SUPT3H: variants seen among roughly 807,000 people sequenced by gnomAD.
The protein encoded by SUPT3H is SPT3 homolog, SAGA and STAGA complex component.
Under a neutral mutation model 44.3 loss-of-function variants are expected in SUPT3H, and 44 were observed. That is an observed-to-expected ratio of 0.99 (90% CI 0.78 to 1.28). The LOEUF (loss-of-function observed/expected upper bound fraction) is 1.28, where lower values mean the gene tolerates loss of function less well. Ranked by LOEUF, SUPT3H falls within the 50% of genes most tolerant of loss-of-function variation. SUPT3H has a pLI of 0.00. For missense variants in SUPT3H, 380 were observed against 387.1 expected (o/e 0.98, Z 0.15); for synonymous variants, 124 against 125.6 (o/e 0.99, Z 0.09).
At chr6:44,830,156 CTG>C (rs1768367660) in intron 10 of SUPT3H, among the ~76,000 whole-genome samples, 1 of 152,174 alleles carries the variant, frequency 6.6e-6, no homozygotes, top group South Asian at 2.1e-4. Context: ...TGTATTGAAT[CTG>C]TTTGTCTTTT....
intron 6 of SUPT3H, among the ~76,000 whole-genome samples, chr6:45,002,545 C>T (rs184326088): frequency 1.3e-5 from 2 of 152,144 alleles, no homozygotes. Flanking sequence ...AACCATGCCA[C>T]TAAACAACCA....
rs538250538 is a variant in SUPT3H at position 45,007,827 on chromosome 6, G to T, written c.365-4035C>A. On this transcript the variant is annotated intron_variant, in intron 5 of 10. Coordinates refer to ENST00000371459, the MANE Select transcript of SUPT3H (RefSeq NM_003599.4). Reference sequence around the variant, plus strand: ...GGAGGATTTTAATGGGATTTTAAATGATTCCCTATCTCAATCTTCCCCTCC... The same window carrying T: ...GGAGGATTTTAATGGGATTTTAAATTATTCCCTATCTCAATCTTCCCCTCC... Among the ~76,000 whole-genome samples the T allele has an allele frequency of 6.0e-5, 9 of 150,428 alleles. No individual in the cohort carries two copies. The South Asian group carries it at 1.9e-3, about 32-fold the overall frequency.
At chr6:45,274,943 GC>G (rs764107059) in intron 2 of SUPT3H, among the ~76,000 whole-genome samples, 3 of 152,086 alleles carry the variant, frequency 2.0e-5, no homozygotes, top group Non-Finnish European at 4.4e-5. Context: ...TTGAGTTGAT[GC>G]TTTGATTTTT....
intron 2 of SUPT3H, among the ~76,000 whole-genome samples, chr6:45,364,625 C>T (rs1240317594): frequency 2.6e-5 from 4 of 152,114 alleles, no homozygotes; most frequent in Non-Finnish European, 5.9e-5. Flanking sequence ...TGCAAGAAAC[C>T]AGAAATCAAG....
chr6:44,845,111 T>G lies in SUPT3H; in HGVS notation c.913-15254A>C, dbSNP rs563680586. ...AGAAAGTCCCAGTTGAATAGAAAAA[T>G]TATATGACTAGAGTTCCTTAAGACC... On this transcript the variant is annotated intron_variant, in intron 10 of 10. Transcript: ENST00000371459. 1.2e-3 allele frequency among the ~76,000 whole-genome samples: 184 copies of G among 152,248 alleles called. 1 individual carries two copies. The highest frequency in any genetic ancestry group is 3.4e-3 in the Middle Eastern group (1 of 294).
At chr6:44,858,422 G>A (rs1033258629) in intron 10 of SUPT3H, among the ~76,000 whole-genome samples, 2 of 152,084 alleles carry the variant, frequency 1.3e-5, no homozygotes, top group Admixed American at 6.6e-5. Flanking sequence ...TCCATTTTAC[G>A]GATGAAGAAG....
chr6:44,930,337 C>T (rs1770368016), intron 10 of SUPT3H, among the ~76,000 whole-genome samples: 2 of 151,206 alleles, frequency 1.3e-5, no homozygotes, highest in South Asian at 2.1e-4. Context: ...GCCGAGTTCG[C>T]GCCACTGCAT....
intron 2 of SUPT3H, among the ~76,000 whole-genome samples, chr6:45,140,626 C>T (rs1457282087): frequency 2.0e-5 from 3 of 151,982 alleles, no homozygotes; most frequent in South Asian, 2.1e-4. Context: ...ATATCTATAA[C>T]CAAGGACTCT....
rs898218516 is a variant in SUPT3H at position 44,821,586 on chromosome 6, A to G, written c.*52+8178T>C. 2.0e-5 allele frequency among the ~76,000 whole-genome samples: 3 copies of G among 152,194 alleles called. No homozygotes were observed. The East Asian group carries it at 5.8e-4, about 29-fold the overall frequency. On this transcript the variant is annotated intron_variant and NMD_transcript_variant, in intron 11 of 11. Transcript: ENST00000475057. ...AAGAGTGGGAGGAAATAGCCTATCC[A>G]TATGAAAACAATAATCACATAATAT...
downstream of SUPT3H, among the ~76,000 whole-genome samples, chr6:44,826,718 T>TAA (rs1767786515): frequency 6.6e-6 from 1 of 152,190 alleles, no homozygotes; most frequent in Non-Finnish European, 1.5e-5. Context: ...TCTAAACAAG[T>TAA]AAACATGTTT....
intron 3 of SUPT3H, among the ~76,000 whole-genome samples, chr6:45,055,522 A>G (rs1260958531): frequency 6.6e-6 from 1 of 152,126 alleles, no homozygotes; most frequent in Non-Finnish European, 1.5e-5. Context: ...AATAAAGCCA[A>G]ATACAGCCAA....
At chr6:44,961,701 A>G in intron 7 of SUPT3H, 52 bp downstream of exon 7, 7 of 1,386,618 alleles carry the variant, frequency 5.0e-6, no homozygotes, top group African/African-American at 1.4e-5. Context: ...TAGTACATCT[A>G]TAACACAAAT....
At chr6:45,078,029 C>T (rs1003793851) in intron 3 of SUPT3H, among the ~76,000 whole-genome samples, 1 of 152,064 alleles carries the variant, frequency 6.6e-6, no homozygotes, top group African/African-American at 2.4e-5. Context: ...ACTGTCAGTA[C>T]ACCTGGCTAA....
intron 4 of SUPT3H, among the ~76,000 whole-genome samples, 183 bp downstream of exon 4, chr6:45,020,363 C>T (rs1784948646): frequency 6.6e-6 from 1 of 151,878 alleles, no homozygotes; most frequent in Non-Finnish European, 1.5e-5. Flanking sequence ...GTGCTTTTGT[C>T]CACATAATAA....
chr6:45,120,964 C>A (rs1461266882), intron 2 of SUPT3H, among the ~76,000 whole-genome samples: 1 of 152,042 alleles, frequency 6.6e-6, no homozygotes, highest in Admixed American at 6.6e-5. Context: ...AGGTTAACTT[C>A]ATCATACTAT....
intron 10 of SUPT3H, among the ~76,000 whole-genome samples, chr6:44,922,942 T>C (rs1396582426): frequency 1.3e-5 from 2 of 152,138 alleles, no homozygotes; most frequent in Non-Finnish European, 2.9e-5. Context: ...TTTAAAGCCA[T>C]ATTTTCCTTT....
At chr6:45,120,500 GA>G (rs2153578984) in intron 2 of SUPT3H, among the ~76,000 whole-genome samples, 1 of 146,608 alleles carries the variant, frequency 6.8e-6, no homozygotes, top group South Asian at 2.2e-4. Context: ...ATGATACTTT[GA>G]TAAAATTGGA....
At chr6:45,122,150 G>A (rs189616158) in intron 2 of SUPT3H, among the ~76,000 whole-genome samples, 200 of 152,224 alleles carry the variant, frequency 1.3e-3, no homozygotes, top group African/African-American at 4.6e-3. Flanking sequence ...TCACACAGGT[G>A]TCACCTTTAT....
At chr6:44,862,443 G>A (rs9367208) in intron 10 of SUPT3H, among the ~76,000 whole-genome samples, 63,218 of 151,510 alleles carry the variant, frequency 0.42, 13,557 homozygotes, top group East Asian at 0.7. Flanking sequence ...TTCGGAGGCC[G>A]AGGTGAGCGG....
Sources: allele counts gnomAD v4.1 joint callset (sites outside exome capture counted in the v4.1 genomes callset), GRCh38; gene constraint gnomAD v4.1.1; transcripts MANE v1.5; gene names NCBI Gene and HGNC (gene_info 2026-07-23, HGNC 2026-07-21).